DPP10: variants seen among roughly 807,000 people sequenced by gnomAD.
DPP10 encodes the protein inactive dipeptidyl peptidase 10.
Under a neutral mutation model 120.9 loss-of-function variants are expected in DPP10, and 33 were observed. That is an observed-to-expected ratio of 0.27 (90% CI 0.21 to 0.37). The LOEUF (loss-of-function observed/expected upper bound fraction) is 0.37, where lower values mean the gene tolerates loss of function less well. DPP10 is among the 10% of genes least tolerant of loss of function. The pLI is 1.00. For synonymous variants in DPP10, 337 were observed against 326.1 expected (o/e 1.03, Z -0.36); for missense variants, 816 against 942.8 (o/e 0.87, Z 1.76).
chr2:115,341,989 A>G (rs1331984676), intron 2 of DPP10, among the ~76,000 whole-genome samples: 53 of 152,246 alleles, frequency 3.5e-4, no homozygotes, highest in Non-Finnish European at 4.4e-5. Flanking sequence ...TTGTATGATA[A>G]TAATTTGTTT....
intron 1 of DPP10, among the ~76,000 whole-genome samples, chr2:114,997,162 C>A (rs2104972639): frequency 6.6e-6 from 1 of 151,760 alleles, no homozygotes; most frequent in African/African-American, 2.4e-5. Flanking sequence ...ACTATTAAAT[C>A]ACTTATAAGA....
chr2:115,704,283 T>A (rs1332067275), intron 7 of DPP10, among the ~76,000 whole-genome samples: 1 of 151,876 alleles, frequency 6.6e-6, no homozygotes, highest in East Asian at 1.9e-4. Flanking sequence ...TTAAATACTT[T>A]CTCTCTTCTT....
At chr2:115,301,067 G>A (rs530213522) in intron 1 of DPP10, among the ~76,000 whole-genome samples, 2 of 152,070 alleles carry the variant, frequency 1.3e-5, no homozygotes, top group South Asian at 4.1e-4. Flanking sequence ...TGTGTGTGGT[G>A]TTCTCTCCCA....
At chr2:115,663,943 C>T (rs1053106187) in intron 5 of DPP10, among the ~76,000 whole-genome samples, 5 of 151,568 alleles carry the variant, frequency 3.3e-5, no homozygotes, top group African/African-American at 4.8e-5. Flanking sequence ...TGCAGTGAGC[C>T]GAGATCGTGC....
At chr2:115,184,663 A>C (rs1286448852) in intron 1 of DPP10, among the ~76,000 whole-genome samples, 1 of 152,250 alleles carries the variant, frequency 6.6e-6, no homozygotes, top group Non-Finnish European at 1.5e-5. Context: ...TAAATGTTAG[A>C]TAAGAAAAGC....
At chr2:114,815,111 C>A (rs1427040821) in intron 1 of DPP10, among the ~76,000 whole-genome samples, 1 of 152,168 alleles carries the variant, frequency 6.6e-6, no homozygotes, top group African/African-American at 2.4e-5. Context: ...CTTTCCCCAC[C>A]TGGGATGGTG....
At chr2:115,229,476 G>T (rs933339354) in intron 1 of DPP10, among the ~76,000 whole-genome samples, 1 of 151,994 alleles carries the variant, frequency 6.6e-6, no homozygotes, top group Non-Finnish European at 1.5e-5. Flanking sequence ...TTCCTCAGTG[G>T]TTTTTGTTTC....
chr2:114,595,085 C>A (rs1477908564), intron 1 of DPP10, among the ~76,000 whole-genome samples: 2 of 152,042 alleles, frequency 1.3e-5, no homozygotes, highest in African/African-American at 4.8e-5. Context: ...GAAAAGAATG[C>A]TTCTAAATGT....
rs77185089 is a variant in DPP10 at position 115,742,249 on chromosome 2, C to T, written c.852+2356C>T. Among the ~76,000 whole-genome samples, 401 of 152,186 alleles carry T rather than the reference C, an allele frequency of 2.6e-3. 1 individual carries two copies. Among genetic ancestry groups the T allele is most frequent in the African/African-American group, 9.0e-3 (372 of 41,534 alleles). On this transcript the variant is annotated intron_variant, in intron 9 of 25. Transcript: ENST00000410059. ...ATTGATTTCATCCCTCTCTATAAAA[C>T]TCCCACAGGTCAACAATTTGTATTT...
intron 1 of DPP10, among the ~76,000 whole-genome samples, chr2:114,537,297 C>T (rs1686583550): frequency 6.6e-6 from 1 of 151,946 alleles, no homozygotes; most frequent in African/African-American, 2.4e-5. Flanking sequence ...GAATAGCAGG[C>T]ACCTAGGAAG....
At chr2:115,475,029 G>T (rs1224032767) in intron 3 of DPP10, among the ~76,000 whole-genome samples, 1 of 151,716 alleles carries the variant, frequency 6.6e-6, no homozygotes, top group African/African-American at 2.4e-5. Context: ...TGGTAGAAAA[G>T]AAAAGCCATT....
intron 5 of DPP10, among the ~76,000 whole-genome samples, chr2:115,593,870 T>C (rs1035590777): frequency 3.3e-5 from 5 of 152,222 alleles, no homozygotes; most frequent in Non-Finnish European, 5.9e-5. Context: ...CTTTTAGACG[T>C]TGGCTTTGCT....
intron 1 of DPP10, among the ~76,000 whole-genome samples, chr2:115,177,574 G>T (rs1006355352): frequency 2.6e-5 from 4 of 152,064 alleles, no homozygotes; most frequent in Non-Finnish European, 4.4e-5. Context: ...CCCCAGCTGT[G>T]CAGCTCCTCA....
intron 5 of DPP10, among the ~76,000 whole-genome samples, chr2:115,671,166 G>A (rs2089842956): frequency 6.6e-6 from 1 of 151,840 alleles, no homozygotes. Context: ...AATTCTAAAT[G>A]TTCTGTTTTA....
chr2:115,673,760 G>A (rs1167143783), intron 5 of DPP10, among the ~76,000 whole-genome samples: 1 of 152,178 alleles, frequency 6.6e-6, no homozygotes, highest in African/African-American at 2.4e-5. Flanking sequence ...GCACTGGGAG[G>A]AGATTGTAAA....
chr2:115,546,355 C>G (rs6741692), intron 5 of DPP10, among the ~76,000 whole-genome samples: 85,632 of 151,986 alleles, frequency 0.56, 25,755 homozygotes, highest in Non-Finnish European at 0.69. Context: ...GTACTTTTTC[C>G]TTATGCATAT....
rs551139627 is a variant in DPP10 at position 115,389,961 on chromosome 2, T to C, written c.271+46049T>C. ...TACGTTAAGGCTCATTGATATTTTATTCCTCATAGGCAGGATCGTGAGGGC... is the reference window on the plus strand; with the variant it reads ...TACGTTAAGGCTCATTGATATTTTACTCCTCATAGGCAGGATCGTGAGGGC... On this transcript the variant is annotated intron_variant, in intron 3 of 25. Transcript: ENST00000410059. Among the ~76,000 whole-genome samples the C allele has an allele frequency of 4.6e-5, 7 of 152,322 alleles. No homozygotes were observed. The South Asian group carries it at 1.4e-3, about 32-fold the overall frequency.
chr2:115,597,147 G>A (rs2083040486), intron 5 of DPP10, among the ~76,000 whole-genome samples: 1 of 152,092 alleles, frequency 6.6e-6, no homozygotes, highest in Non-Finnish European at 1.5e-5. Context: ...CACAACAGGA[G>A]GAGACAGTGC....
At chr2:115,534,142 G>A (rs1252244011) in intron 5 of DPP10, among the ~76,000 whole-genome samples, 1 of 150,548 alleles carries the variant, frequency 6.6e-6, no homozygotes, top group Non-Finnish European at 1.5e-5. Flanking sequence ...CAAGTTTTAG[G>A]GTACATGTGC....
Sources: gnomAD v4.1 joint callset for allele counts (sites outside exome capture counted in the v4.1 genomes callset) on GRCh38, gnomAD v4.1.1 for gene constraint, MANE v1.5 for transcripts, NCBI Gene and HGNC (gene_info 2026-07-23, HGNC 2026-07-21) for gene names.